The following ADGRL2 variants were observed in gnomAD, a reference collection of about 807,000 sequenced individuals.
ADGRL2 encodes the protein adhesion G protein-coupled receptor L2.
Under a neutral mutation model 157.4 loss-of-function variants are expected in ADGRL2, and 44 were observed. That is an observed-to-expected ratio of 0.28 (90% CI 0.22 to 0.36). ADGRL2 has a LOEUF of 0.36. Among genes scored for constraint, ADGRL2 ranks in the 10% least tolerant of loss-of-function variants. The pLI is 1.00. For missense variants in ADGRL2, 1,510 were observed against 1,768.9 expected (o/e 0.85, Z 2.63); for synonymous variants, 585 against 624.7 (o/e 0.94, Z 0.95).
At chr1:81,490,548 A>G (rs2078610212) in intron 2 of ADGRL2, among the ~76,000 whole-genome samples, 1 of 152,380 alleles carries the variant, frequency 6.6e-6, no homozygotes, top group East Asian at 1.9e-4. Context: ...AGCTTATGAC[A>G]GTATTCTCAA....
chr1:81,374,843 T>C (rs185321342), intron 1 of ADGRL2, among the ~76,000 whole-genome samples: 15 of 152,346 alleles, frequency 9.8e-5, no homozygotes, highest in Admixed American at 7.8e-4. Flanking sequence ...AATTAGCTGG[T>C]ACTCATTTCA....
At position 81,313,609 on chromosome 1, in the gene ADGRL2, T is replaced by C. The variant is rs751428304; in HGVS notation, c.-302+7100T>C. On this transcript the variant is annotated intron_variant, in intron 1 of 24. Coordinates refer to the ADGRL2 transcript ENST00000370721. ...CCAGTACCAAAGTTCGAAAGGCAGA[T>C]TGCAAACTTTTGAAAGAGTTGACTA... 2.7e-4 allele frequency among the ~76,000 whole-genome samples: 41 copies of C among 152,196 alleles called. 2 individuals are homozygous for C. The highest frequency in any genetic ancestry group is 8.8e-5 in the Non-Finnish European group (6 of 68,038).
intron 1 of ADGRL2, among the ~76,000 whole-genome samples, chr1:81,385,260 G>A (rs2076415423): frequency 6.6e-6 from 1 of 152,114 alleles, no homozygotes; most frequent in African/African-American, 2.4e-5. Context: ...GGGGCTTGGT[G>A]AGTACTGAAA....
chr1:81,315,551 G>A (rs1352405837), intron 1 of ADGRL2, among the ~76,000 whole-genome samples: 1 of 151,956 alleles, frequency 6.6e-6, no homozygotes, highest in Non-Finnish European at 1.5e-5. Flanking sequence ...AGTCCCTCAG[G>A]GCTTATGGTT....
At chr1:81,741,766 C>T (rs2085080485) in intron 1 of ADGRL2, among the ~76,000 whole-genome samples, 1 of 151,826 alleles carries the variant, frequency 6.6e-6, no homozygotes, top group African/African-American at 2.4e-5. Flanking sequence ...AGAGCCATGC[C>T]TCAGAATTTC....
chr1:81,899,052 A>C (rs2151584572), intron 2 of ADGRL2, among the ~76,000 whole-genome samples: 1 of 152,310 alleles, frequency 6.6e-6, no homozygotes, highest in East Asian at 1.9e-4. Context: ...GCAGTAGCAA[A>C]CATGACAGTA....
At chr1:81,752,592 G>A (rs190998040) in intron 1 of ADGRL2, among the ~76,000 whole-genome samples, 1 of 152,078 alleles carries the variant, frequency 6.6e-6, no homozygotes, top group African/African-American at 2.4e-5. Flanking sequence ...GCATGATCAC[G>A]GCTCACTGCA....
chr1:81,652,268 A>C (rs747442283), intron 3 of ADGRL2, among the ~76,000 whole-genome samples: 3 of 152,204 alleles, frequency 2.0e-5, no homozygotes, highest in Non-Finnish European at 4.4e-5. Flanking sequence ...ATTTAATTCT[A>C]TATCTCTGAA....
chr1:81,829,145 C>T (rs1007329588), intron 1 of ADGRL2, among the ~76,000 whole-genome samples: 2 of 152,154 alleles, frequency 1.3e-5, no homozygotes, highest in African/African-American at 4.8e-5. Context: ...CTCCTGACCT[C>T]AGGCAATCCA....
intron 2 of ADGRL2, among the ~76,000 whole-genome samples, chr1:81,792,819 C>A (rs1049906137): frequency 5.3e-5 from 8 of 151,760 alleles, no homozygotes; most frequent in Non-Finnish European, 1.2e-4. Flanking sequence ...TATAATTCAC[C>A]AAAGGAGAAA....
intron 23 of ADGRL2, among the ~76,000 whole-genome samples, chr1:81,989,375 A>G (rs1023092126): frequency 1.1e-4 from 17 of 152,148 alleles, no homozygotes; most frequent in South Asian, 6.2e-4. Context: ...CTGTGGGCCT[A>G]TCTTGTACAG....
rs192957636 is a variant in ADGRL2 at position 81,318,545 on chromosome 1, C to G, written c.-302+12036C>G. Among the ~76,000 whole-genome samples the G allele has an allele frequency of 4.4e-3, 665 of 152,166 alleles. 4 individuals are homozygous for G. Among genetic ancestry groups the G allele is most frequent in the African/African-American group, 0.014 (580 of 41,514 alleles). On this transcript the variant is annotated intron_variant, in intron 1 of 24. Transcript: ENST00000370721. Reference sequence around the variant, plus strand: ...GAAATGATATTTTAAAAGAATTCAGCCTATAGGCACATAAAGTAGTTGAAT... The same window carrying G: ...GAAATGATATTTTAAAAGAATTCAGGCTATAGGCACATAAAGTAGTTGAAT...
intron 3 of ADGRL2, among the ~76,000 whole-genome samples, chr1:81,681,148 C>T (rs1172754821): frequency 6.6e-6 from 1 of 152,186 alleles, no homozygotes; most frequent in Non-Finnish European, 1.5e-5. Flanking sequence ...CCAGCTGCCT[C>T]TATATCTTAA....
At chr1:81,681,393 G>C (rs1369416014) in intron 3 of ADGRL2, among the ~76,000 whole-genome samples, 2 of 152,174 alleles carry the variant, frequency 1.3e-5, no homozygotes, top group Non-Finnish European at 2.9e-5. Flanking sequence ...GAAAGCCAGT[G>C]CCAAAGAAGA....
chr1:81,795,736 G>T (rs1030384542), upstream of ADGRL2, among the ~76,000 whole-genome samples: 12 of 152,080 alleles, frequency 7.9e-5, no homozygotes, highest in African/African-American at 2.9e-4. Context: ...TTGCTACTTG[G>T]TTATCTTTAA....
intron 2 of ADGRL2, among the ~76,000 whole-genome samples, chr1:81,905,241 G>A (rs2094562676): frequency 6.6e-6 from 1 of 151,888 alleles, no homozygotes; most frequent in Non-Finnish European, 1.5e-5. Context: ...GGGATTACAG[G>A]CATGCGCCAC....
At chr1:81,518,538 G>A (rs372603023) in intron 2 of ADGRL2, among the ~76,000 whole-genome samples, 1 of 152,146 alleles carries the variant, frequency 6.6e-6, no homozygotes, top group African/African-American at 2.4e-5. Flanking sequence ...TTAAGATAGC[G>A]GAAAGAGATG....
At chr1:81,849,232 G>T (rs1158751670) in intron 2 of ADGRL2, among the ~76,000 whole-genome samples, 2 of 151,898 alleles carry the variant, frequency 1.3e-5, no homozygotes, top group African/African-American at 4.8e-5. Context: ...ACTGGATATA[G>T]GTGTGAGTCC....
intron 3 of ADGRL2, among the ~76,000 whole-genome samples, chr1:81,929,621 T>C (rs187519968): frequency 7.9e-5 from 12 of 152,198 alleles, no homozygotes; most frequent in African/African-American, 2.6e-4. Context: ...GTAAAAGCAA[T>C]TTGTTGGGCA....
Sources: allele counts gnomAD v4.1 joint callset (sites outside exome capture counted in the v4.1 genomes callset), GRCh38; gene constraint gnomAD v4.1.1; transcripts MANE v1.5; gene names NCBI Gene and HGNC (gene_info 2026-07-23, HGNC 2026-07-21).